Variants in GLI2 observed in about 807,000 individuals in gnomAD.
GLI2 encodes transcription activator GLI2.
In GLI2, 22 loss-of-function variants were observed where a neutral mutation model predicts 78.9. The observed-to-expected ratio is 0.28, with a 90% confidence interval of 0.20 to 0.40. The LOEUF is 0.40. GLI2 is among the 10% of genes least tolerant of loss of function. The pLI is 1.00. For missense variants in GLI2, 2,097 were observed against 2,213.2 expected, an observed-to-expected ratio of 0.95 and a Z score of 1.05; for synonymous variants, 974 against 963.7, an observed-to-expected ratio of 1.01 and a Z score of -0.20.
intron 2 of GLI2, among the ~76,000 whole-genome samples, chr2:120,850,509 C>G (rs781365968): frequency 6.6e-6 from 1 of 152,168 alleles, no homozygotes; most frequent in Non-Finnish European, 1.5e-5. Flanking sequence ...ATAGGAGGGA[C>G]TCAAAGCATT....
At chr2:120,902,435 G>A (rs1221231560) in intron 2 of GLI2, among the ~76,000 whole-genome samples, 1 of 152,158 alleles carries the variant, frequency 6.6e-6, no homozygotes, top group Non-Finnish European at 1.5e-5. Flanking sequence ...AGGGGAAACA[G>A]TCCCTTCAAG....
intron 3 of GLI2, among the ~76,000 whole-genome samples, chr2:120,939,938 T>C (rs1454680481): frequency 1.3e-5 from 2 of 152,238 alleles, no homozygotes; most frequent in African/African-American, 2.4e-5. Context: ...GCCCCATCAC[T>C]TTGGAGGTGA....
chr2:120,987,185 A>C (rs781733246), intron 13 of GLI2, among the ~76,000 whole-genome samples: 2 of 152,190 alleles, frequency 1.3e-5, no homozygotes, highest in Non-Finnish European at 2.9e-5. Context: ...TCTGAGATGG[A>C]AGGCGTCTTT....
At chr2:120,763,596 G>T (rs1683280352) in intron 1 of GLI2, among the ~76,000 whole-genome samples, 1 of 152,228 alleles carries the variant, frequency 6.6e-6, no homozygotes, top group African/African-American at 2.4e-5. Context: ...GTAGGGGCCA[G>T]CTCAGAAACC....
chr2:120,989,369 G>C lies in GLI2; in HGVS notation c.3404G>C (p.Gly1135Ala), dbSNP rs768110500. 80 of 1,612,880 alleles carry C rather than the reference G, an allele frequency of 5.0e-5. No homozygotes were observed. Among genetic ancestry groups the C allele is most frequent in the Non-Finnish European group, 6.5e-5 (77 of 1,179,994 alleles). Residue 1135 changes from glycine (G) to alanine (A), a missense_variant, in exon 14 of 14, where the codon GGC becomes GCC. Gly to Ala is a moderately conservative substitution (Grantham distance 60). Around this residue, in one of 5 missense-constraint regions of GLI2, gnomAD observed 1,290 missense variants for 1,261.7 expected, o/e 1.02. Coordinates refer to ENST00000361492, the MANE Select transcript of GLI2 (RefSeq NM_001374353.1). ...MPVQWNEVSS[G>A]TVDALASQVK... is the part of the protein sequence containing the mutation. ...GTGCAGTGGAATGAGGTGAGCTCCG[G>C]CACCGTAGACGCCCTGGCCAGCCAG...
At chr2:120,893,455 C>T (rs949099445) in intron 2 of GLI2, among the ~76,000 whole-genome samples, 12 of 152,078 alleles carry the variant, frequency 7.9e-5, no homozygotes, top group Admixed American at 5.2e-4. Context: ...CTTCTGAGAA[C>T]GGACTCCTTT....
In GLI2 at chr2:120,750,693, C is replaced by T. The variant is rs190336947; in HGVS notation, c.-31+14408C>T. ...AAAGTCCTCATTCTCATTTAGCACGCGCTGCTGGTTTACACCATAGTTCCC... is the reference window on the plus strand; with the variant it reads ...AAAGTCCTCATTCTCATTTAGCACGTGCTGCTGGTTTACACCATAGTTCCC... On this transcript the variant is annotated intron_variant, in intron 1 of 13. Transcript: ENST00000361492. Among the ~76,000 whole-genome samples the T allele has an allele frequency of 6.6e-5, 10 of 152,334 alleles. No homozygotes were observed. The East Asian group carries it at 1.7e-3, about 26-fold the overall frequency.
At chr2:120,945,266 C>T (rs1195027908) in intron 3 of GLI2, among the ~76,000 whole-genome samples, 4 of 152,230 alleles carry the variant, frequency 2.6e-5, no homozygotes, top group Admixed American at 6.5e-5. Flanking sequence ...TGCCGCTGGT[C>T]GCTAACATGT....
At chr2:120,873,826 A>G (rs1396120229) in intron 2 of GLI2, among the ~76,000 whole-genome samples, 1 of 152,218 alleles carries the variant, frequency 6.6e-6, no homozygotes, top group Admixed American at 6.5e-5. Flanking sequence ...ATGGACCGAC[A>G]TAAAATCTCT....
At chr2:120,821,077 T>A (rs953799925) in intron 2 of GLI2, among the ~76,000 whole-genome samples, 11 of 152,056 alleles carry the variant, frequency 7.2e-5, no homozygotes, top group African/African-American at 2.7e-4. Context: ...CCCAGAACAC[T>A]AAGCCTGGGA....
At chr2:120,957,175 C>T (rs373441162) in intron 5 of GLI2, among the ~76,000 whole-genome samples, 6 of 152,300 alleles carry the variant, frequency 3.9e-5, no homozygotes, top group African/African-American at 1.4e-4. Flanking sequence ...CCTCGCCAGG[C>T]CCTGGTGGGA....
intron 3 of GLI2, among the ~76,000 whole-genome samples, chr2:120,947,956 A>G (rs1573653719): frequency 6.6e-6 from 1 of 152,112 alleles, no homozygotes; most frequent in African/African-American, 2.4e-5. Context: ...CTTGAGTTGG[A>G]CCTGTTGTGG....
chr2:120,824,974 T>C (rs996677562), intron 2 of GLI2, among the ~76,000 whole-genome samples: 3 of 152,150 alleles, frequency 2.0e-5, no homozygotes, highest in African/African-American at 7.2e-5. Flanking sequence ...TAGCTGGGAC[T>C]ACAGGTGCCT....
At chr2:120,864,881 A>G (rs1275961471) in intron 2 of GLI2, among the ~76,000 whole-genome samples, 1 of 152,118 alleles carries the variant, frequency 6.6e-6, no homozygotes, top group Non-Finnish European at 1.5e-5. Flanking sequence ...TGCCTATGGA[A>G]GGCCTGGCCC....
At chr2:120,892,356 G>T (rs1291092213) in intron 2 of GLI2, among the ~76,000 whole-genome samples, 5 of 152,194 alleles carry the variant, frequency 3.3e-5, no homozygotes, top group Non-Finnish European at 7.3e-5. Flanking sequence ...GGAGTTGGAA[G>T]CCCTTGTGGG....
chr2:120,899,406 T>C (rs201590007), intron 2 of GLI2, among the ~76,000 whole-genome samples: 7 of 146,564 alleles, frequency 4.8e-5, no homozygotes, highest in Middle Eastern at 7.0e-3. Context: ...TACACACACA[T>C]ACACACACAC....
chr2:120,818,131 C>A (rs1033295157), intron 2 of GLI2, among the ~76,000 whole-genome samples: 1 of 152,188 alleles, frequency 6.6e-6, no homozygotes, highest in East Asian at 1.9e-4. Context: ...TGCCTGAACA[C>A]TGGGGCCTTG....
intron 2 of GLI2, among the ~76,000 whole-genome samples, chr2:120,828,929 C>T (rs80254410): frequency 0.012 from 1,871 of 151,358 alleles, 74 homozygotes; most frequent in East Asian, 0.072. Context: ...TCCTCCTTGC[C>T]CCACCACGCT....
chr2:120,953,610 T>G (rs1681097660), intron 4 of GLI2, among the ~76,000 whole-genome samples: 1 of 152,136 alleles, frequency 6.6e-6, no homozygotes. Flanking sequence ...AGTAAAGACG[T>G]CTACGGGAGG....
Sources: gnomAD v4.1 joint callset for allele counts (sites outside exome capture counted in the v4.1 genomes callset) on GRCh38, gnomAD v4.1.1 for gene constraint, gnomAD v4.1.1 regional missense constraint, MANE v1.5 for transcripts, NCBI Gene and HGNC (gene_info 2026-07-23, HGNC 2026-07-21) for gene names.